The following SUGCT variants were observed in gnomAD, a reference collection of about 807,000 sequenced individuals.
The protein encoded by SUGCT is succinyl-CoA:glutarate-CoA transferase.
SUGCT carries 41 observed loss-of-function variants against 55.0 expected under a neutral mutation model. The ratio of observed to expected loss-of-function variants is 0.74; its 90% CI spans 0.58 to 0.97. SUGCT has a LOEUF of 0.97. Among genes scored for constraint, SUGCT ranks in the 50% least tolerant of loss-of-function variants. The pLI is 0.00. For synonymous variants in SUGCT, 187 were observed against 200.4 expected, an observed-to-expected ratio of 0.93 and a Z score of 0.56; for missense variants, 568 against 547.8, an observed-to-expected ratio of 1.04 and a Z score of -0.37.
chr7:40,267,014 T>TA (rs1294748710), intron 7 of SUGCT, among the ~76,000 whole-genome samples: 1 of 85,408 alleles, frequency 1.2e-5, no homozygotes, highest in Non-Finnish European at 2.4e-5. Flanking sequence ...AGACTCCATC[T>TA]AAAAAAAACA....
intron 12 of SUGCT, among the ~76,000 whole-genome samples, chr7:40,611,178 T>A (rs1798753479): frequency 6.6e-6 from 1 of 152,204 alleles, no homozygotes; most frequent in Admixed American, 6.5e-5. Flanking sequence ...AGAATAACCA[T>A]ATGCTTTGAG....
intron 9 of SUGCT, among the ~76,000 whole-genome samples, chr7:40,356,060 C>T (rs1276473515): frequency 6.6e-6 from 1 of 152,180 alleles, no homozygotes; most frequent in African/African-American, 2.4e-5. Context: ...TGGAAATTTC[C>T]TTTGCACTTG....
chr7:40,918,655 A>G, the SUGCT span, among the ~76,000 whole-genome samples: 1 of 152,126 alleles, frequency 6.6e-6, no homozygotes, highest in Admixed American at 6.5e-5. Flanking sequence ...TGAGACCAGA[A>G]TTCTGGAAGA....
At chr7:40,845,503 A>G (rs1004347431) in intron 13 of SUGCT, among the ~76,000 whole-genome samples, 3 of 152,198 alleles carry the variant, frequency 2.0e-5, no homozygotes, top group Non-Finnish European at 4.4e-5. Context: ...ATGACAGAAA[A>G]GATCAGAAGT....
intron 12 of SUGCT, among the ~76,000 whole-genome samples, chr7:40,523,686 T>C (rs996002062): frequency 1.6e-4 from 24 of 152,186 alleles, no homozygotes; most frequent in African/African-American, 5.3e-4. Context: ...CCACATTCCT[T>C]GGCTTATGGC....
chr7:40,805,139 G>A (rs1791024980), intron 13 of SUGCT, among the ~76,000 whole-genome samples: 1 of 152,098 alleles, frequency 6.6e-6, no homozygotes, highest in South Asian at 2.1e-4. Flanking sequence ...CTGGTTCCTG[G>A]ATCAATTTTC....
downstream of SUGCT, among the ~76,000 whole-genome samples, chr7:40,862,731 G>GTTTTTTTTTTT (rs200059575): frequency 7.4e-6 from 1 of 134,340 alleles, no homozygotes; most frequent in African/African-American, 2.8e-5. Context: ...TCTTTTTCTT[G>GTTTTTTTTTTT]TTTTTTTTTT....
chr7:40,535,280 C>T (rs943686950), intron 12 of SUGCT, among the ~76,000 whole-genome samples: 3 of 152,040 alleles, frequency 2.0e-5, no homozygotes, highest in African/African-American at 7.2e-5. Flanking sequence ...GCATGATACT[C>T]AATAGTTAGT....
chr7:41,032,146 A>G, the SUGCT span, among the ~76,000 whole-genome samples: 1 of 152,106 alleles, frequency 6.6e-6, no homozygotes, highest in South Asian at 2.1e-4. Context: ...AACTAAACCA[A>G]CAAGCAAATA....
intron 12 of SUGCT, among the ~76,000 whole-genome samples, chr7:40,668,931 C>T (rs1354974224): frequency 1.3e-5 from 2 of 152,172 alleles, no homozygotes; most frequent in South Asian, 4.1e-4. Context: ...GACACTCCAA[C>T]CCCCCTGACA....
intron 1 of SUGCT, among the ~76,000 whole-genome samples, chr7:40,158,216 G>T (rs985642700): frequency 6.6e-6 from 1 of 151,664 alleles, no homozygotes. Flanking sequence ...AAAAAAAAAT[G>T]TGATATTTTC....
intron 6 of SUGCT, among the ~76,000 whole-genome samples, chr7:40,237,136 GT>G (rs945746626): frequency 4.0e-5 from 6 of 149,678 alleles, no homozygotes; most frequent in Admixed American, 1.3e-4. Flanking sequence ...CCCGGCCTGA[GT>G]TTTTTTTTAA....
chr7:40,176,580 TTC>T (rs1351721474), intron 1 of SUGCT, among the ~76,000 whole-genome samples: 1 of 152,132 alleles, frequency 6.6e-6, no homozygotes, highest in Non-Finnish European at 1.5e-5. Flanking sequence ...CAAATTTCAA[TTC>T]TTTTTGCCTT....
At chr7:40,952,926 G>C in the SUGCT span, among the ~76,000 whole-genome samples, 1 of 152,088 alleles carries the variant, frequency 6.6e-6, no homozygotes, top group Non-Finnish European at 1.5e-5. Context: ...TGACAATTAG[G>C]TGTCTTGGAG....
At chr7:41,023,597 T>C in the SUGCT span, among the ~76,000 whole-genome samples, 1 of 152,148 alleles carries the variant, frequency 6.6e-6, no homozygotes, top group African/African-American at 2.4e-5. Context: ...AATAGAATTG[T>C]AAGGAGCGAT....
In SUGCT at chr7:40,343,965, T is replaced by C. The variant is rs185062563; in HGVS notation, c.816+27110T>C. Among the ~76,000 whole-genome samples the C allele has an allele frequency of 1.8e-3, 268 of 152,284 alleles. 1 individual carries two copies. The highest frequency in any genetic ancestry group is 6.2e-3 in the African/African-American group (256 of 41,576). ...GTCACCATATTAGTTGAAACTCTTATCTGCTTTTCCTCACTGCCTTCCATG... is the reference window on the plus strand; with the variant it reads ...GTCACCATATTAGTTGAAACTCTTACCTGCTTTTCCTCACTGCCTTCCATG... On this transcript the variant is annotated intron_variant, in intron 9 of 13. Transcript: ENST00000335693.
intron 12 of SUGCT, among the ~76,000 whole-genome samples, chr7:40,656,870 T>G (rs1584220920): frequency 1.3e-5 from 2 of 152,252 alleles, no homozygotes; most frequent in African/African-American, 4.8e-5. Flanking sequence ...CTTTCTTGGC[T>G]TGGAGTCATT....
intron 13 of SUGCT, among the ~76,000 whole-genome samples, chr7:40,765,507 A>G (rs1788741024): frequency 6.6e-6 from 1 of 151,284 alleles, no homozygotes; most frequent in South Asian, 2.1e-4. Flanking sequence ...CTCCTGAAAT[A>G]AAAAATAAAA....
intron 11 of SUGCT, among the ~76,000 whole-genome samples, chr7:40,482,119 C>T (rs1791085696): frequency 6.6e-6 from 1 of 152,162 alleles, no homozygotes; most frequent in South Asian, 2.1e-4. Context: ...GAAATAAGAT[C>T]ATGTATAGAG....
Sources: allele counts gnomAD v4.1 joint callset (sites outside exome capture counted in the v4.1 genomes callset), GRCh38; gene constraint gnomAD v4.1.1; transcripts MANE v1.5; gene names NCBI Gene and HGNC (gene_info 2026-07-23, HGNC 2026-07-21).